The following XIRP2 variants were observed in gnomAD, a reference collection of about 807,000 sequenced individuals.
The protein encoded by XIRP2 is xin actin binding repeat containing 2, also known as xin actin-binding repeat-containing protein 2.
A neutral mutation model predicts 277.0 loss-of-function variants in XIRP2; 236 were observed. That is an observed-to-expected ratio of 0.85 (90% CI 0.77 to 0.95). The LOEUF (loss-of-function observed/expected upper bound fraction) is 0.95, where lower values mean the gene tolerates loss of function less well. Among genes scored for constraint, XIRP2 ranks in the 40% least tolerant of loss-of-function variants. The pLI, the probability that XIRP2 is intolerant of heterozygous loss-of-function variation, is 0.00. For synonymous variants in XIRP2, 1,490 were observed against 1,416.5 expected, an observed-to-expected ratio of 1.05 and a Z score of -1.17; for missense variants, 4,640 against 4,157.5, an observed-to-expected ratio of 1.12 and a Z score of -3.19.
rs375903694 is a variant in XIRP2, at chr2:166,903,520, G to A, written c.38G>A (p.Arg13Lys). The A allele has an allele frequency of 6.2e-7, 1 of 1,613,460 alleles. No homozygotes were observed. The change falls in exon 2 of 11, where the codon AGG becomes AAG. Residue 13 changes from arginine (R) to lysine (K), a missense_variant. Arg to Lys is a conservative substitution (Grantham distance 26). Coordinates refer to ENST00000409195, the MANE Select transcript of XIRP2 (RefSeq NM_152381.6). ...PMQKGSLNLL[R>K]QKWESCDYQR... The stretch of plus-strand genomic sequence containing the variant: ...CAGAAGGGCTCCCTCAACCTCCTGA[G>A]GCAGAAATGGGAATCTTGTGATTAT...
chr2:167,154,112 G>A (rs1443181820), intron 3 of XIRP2, among the ~76,000 whole-genome samples: 1 of 149,598 alleles, frequency 6.7e-6, no homozygotes. Context: ...TAACTGGTGT[G>A]AGATGGTATC....
intron 3 of XIRP2, among the ~76,000 whole-genome samples, chr2:167,158,275 G>A (rs545694887): frequency 6.6e-6 from 1 of 152,254 alleles, no homozygotes; most frequent in South Asian, 2.1e-4. Flanking sequence ...TGCGTTTGAG[G>A]TAAGAGTCTA....
intron 2 of XIRP2, among the ~76,000 whole-genome samples, chr2:166,978,248 C>G (rs903450755): frequency 1.3e-5 from 2 of 152,068 alleles, no homozygotes; most frequent in African/African-American, 4.8e-5. Context: ...TTTTAATATT[C>G]ATGTCACTAC....
At chr2:167,180,932 T>TA (rs1692990770) in intron 3 of XIRP2, among the ~76,000 whole-genome samples, 1 of 152,258 alleles carries the variant, frequency 6.6e-6, no homozygotes, top group Non-Finnish European at 1.5e-5. Context: ...GAATTACTGA[T>TA]ACTGTGCAAA....
At chr2:167,100,744 G>A (rs1480416188) in intron 2 of XIRP2, among the ~76,000 whole-genome samples, 1 of 152,112 alleles carries the variant, frequency 6.6e-6, no homozygotes, top group East Asian at 1.9e-4. Context: ...TTCTTGTTAG[G>A]TCTGTGTGTG....
At chr2:166,962,858 G>C (rs1558931464) in intron 2 of XIRP2, among the ~76,000 whole-genome samples, 1 of 151,654 alleles carries the variant, frequency 6.6e-6, no homozygotes, top group Non-Finnish European at 1.5e-5. Flanking sequence ...TACCAGAACA[G>C]ATTTAAACCA....
chr2:167,006,367 A>G (rs1687504120), intron 2 of XIRP2, among the ~76,000 whole-genome samples: 1 of 151,728 alleles, frequency 6.6e-6, no homozygotes, highest in Non-Finnish European at 1.5e-5. Context: ...AAAGTCTTTG[A>G]CAAAAAGGTG....
chr2:167,249,339 A>G lies in XIRP2; in HGVS notation c.7947A>G (p.Ser2649=), dbSNP rs763341570. 1.2e-6 allele frequency: 2 copies of G among 1,613,760 alleles called. No homozygotes were observed. Among genetic ancestry groups the G allele is most frequent in the South Asian group, 1.1e-5 (1 of 91,082 alleles). Reference sequence around the variant, plus strand: ...GGCTCCACCATGTTTTAGCAGCTTCAGAAGACAAAGATAAGATGAAAAAGG... The same window carrying G: ...GGCTCCACCATGTTTTAGCAGCTTCGGAAGACAAAGATAAGATGAAAAAGG... ...AKRLHHVLAA[S]EDKDKMKKEV... The change falls in exon 9 of 11, where the codon TCA becomes TCG. Residue 2649 remains serine, a synonymous_variant. Transcript: ENST00000409195.
chr2:167,159,315 A>T (rs535671595), intron 3 of XIRP2, among the ~76,000 whole-genome samples: 1 of 152,342 alleles, frequency 6.6e-6, no homozygotes, highest in South Asian at 2.1e-4. Context: ...GAAATATTCT[A>T]TTATGACAAA....
intron 2 of XIRP2, among the ~76,000 whole-genome samples, chr2:167,101,604 C>T (rs994528419): frequency 1.3e-5 from 2 of 152,162 alleles, no homozygotes; most frequent in Admixed American, 6.5e-5. Flanking sequence ...CTTCACTTCG[C>T]ATAATGGTCT....
intron 2 of XIRP2, among the ~76,000 whole-genome samples, chr2:166,984,964 G>A (rs368102827): frequency 6.6e-6 from 1 of 152,172 alleles, no homozygotes; most frequent in African/African-American, 2.4e-5. Flanking sequence ...CAAACCAAGT[G>A]TTTACATATA....
chr2:166,934,195 C>CAAAAAAAAAAAA (rs750753001), intron 2 of XIRP2, among the ~76,000 whole-genome samples: 2 of 71,568 alleles, frequency 2.8e-5, no homozygotes, highest in Non-Finnish European at 5.8e-5. Context: ...AAATCAACAG[C>CAAAAAAAAAAAA]AAAAAAAAAA....
chr2:167,157,582 C>T (rs1335713168), intron 3 of XIRP2, among the ~76,000 whole-genome samples: 3 of 152,134 alleles, frequency 2.0e-5, no homozygotes, highest in African/African-American at 7.2e-5. Context: ...ACACCACACT[C>T]ACACACACAC....
intron 3 of XIRP2, among the ~76,000 whole-genome samples, chr2:167,139,055 A>T (rs1030820023): frequency 6.6e-6 from 1 of 151,328 alleles, no homozygotes; most frequent in Non-Finnish European, 1.5e-5. Flanking sequence ...CAACAGAGCG[A>T]GACTCTGTCT....
rs764350165 is a variant in XIRP2 at position 167,239,907 on chromosome 2, C to G, written c.911C>G (p.Ala304Gly). The G allele has an allele frequency of 6.2e-7, 1 of 1,607,166 alleles. No homozygotes were observed. The highest frequency in any genetic ancestry group is 1.3e-5 in the African/African-American group (1 of 74,250). ...VGTSRSSQEM[A>G]RNEQEGSKVQ... Reference sequence around the variant, plus strand: ...ACTTCAAGAAGCAGCCAGGAAATGGCAAGAAATGAACAAGAAGGGTCCAAA... The same window carrying G: ...ACTTCAAGAAGCAGCCAGGAAATGGGAAGAAATGAACAAGAAGGGTCCAAA... Residue 304 changes from alanine to glycine, a missense_variant, in exon 6 of 11, where the codon GCA (alanine) becomes GGA (glycine). Transcript: ENST00000409195.
intron 2 of XIRP2, among the ~76,000 whole-genome samples, chr2:166,946,900 G>T (rs547836682): frequency 1.4e-4 from 22 of 152,126 alleles, no homozygotes; most frequent in African/African-American, 5.3e-4. Context: ...ATACAATTTG[G>T]ATCTCTATGG....
Position 167,225,310 on chromosome 2 carries a change from A to G in XIRP2, c.858+7010A>G, listed in dbSNP as rs1361621561. ...AAGAAGAGAAAAAGAGGAAGAGTTG[A>G]AGGGATGTTGATTTTTTTCAATGCT... On this transcript the variant is annotated intron_variant, in intron 5 of 10. Transcript: ENST00000409195. Among the ~76,000 whole-genome samples, 15 of 152,172 alleles carry G rather than the reference A, an allele frequency of 9.9e-5. No individual in the cohort carries two copies. The East Asian group carries it at 2.9e-3, about 29-fold the overall frequency.
rs1573991624 is a variant in XIRP2 at position 167,244,072 on chromosome 2, G to A, written c.2680G>A (p.Gly894Arg). 4 of 1,613,750 alleles carry A rather than the reference G, an allele frequency of 2.5e-6. No individual in the cohort carries two copies. The highest frequency in any genetic ancestry group is 1.1e-5 in the South Asian group (1 of 91,058). The change falls in exon 9 of 11, where the codon GGA becomes AGA. Residue 894 changes from glycine (G) to arginine (R), a missense_variant. Physicochemically the swap from Gly to Arg is moderately radical, Grantham distance 125. Coordinates refer to ENST00000409195, the MANE Select transcript of XIRP2 (RefSeq NM_152381.6). ...AGCATTAAAAGACAGTCCTGATATA[G>A]GAAAGCTTCAAAAAATCACTGCCTC... Reference protein sequence around the residue: ...IEALKDSPDIGKLQKITASEE... With the variant: ...IEALKDSPDIRKLQKITASEE...
intron 3 of XIRP2, among the ~76,000 whole-genome samples, chr2:167,173,669 T>A (rs1201386630): frequency 6.6e-6 from 1 of 152,164 alleles, no homozygotes; most frequent in Non-Finnish European, 1.5e-5. Context: ...TGTTGGATAG[T>A]ATGGTAGCTC....
Sources: allele counts gnomAD v4.1 joint callset (sites outside exome capture counted in the v4.1 genomes callset), GRCh38; gene constraint gnomAD v4.1.1; transcripts MANE v1.5; gene names NCBI Gene and HGNC (gene_info 2026-07-23, HGNC 2026-07-21).